POLR1A: variants seen among roughly 807,000 people sequenced by gnomAD.
POLR1A encodes the protein DNA-directed RNA polymerase I subunit RPA1.
Under a neutral mutation model 205.3 loss-of-function variants are expected in POLR1A, and 84 were observed. That is an observed-to-expected ratio of 0.41 (90% CI 0.34 to 0.49). The LOEUF (loss-of-function observed/expected upper bound fraction) is 0.49. POLR1A is among the 20% of genes least tolerant of loss of function. The pLI, the probability that POLR1A is intolerant of heterozygous loss-of-function variation, is 0.22. For missense variants in POLR1A, 1,645 were observed against 2,204.5 expected (o/e 0.75, Z 5.08); for synonymous variants, 799 against 863.7 (o/e 0.93, Z 1.31).
In POLR1A at chr2:86,065,341, T is replaced by C. The variant is rs201364788; in HGVS notation, c.1991A>G (p.Lys664Arg). The part of the protein sequence containing the change: ...MELVYRGLTD[K>R]VGRVKLLSPS... ...AGAAAGGAGCTTCACGCGCCCCACT[T>C]TGTCCGTGAGTCCTCGGTACACCAG... Residue 664 changes from lysine to arginine, a missense_variant, in exon 14 of 34, where the codon AAA becomes AGA. Around this residue, in one of 16 missense-constraint regions of POLR1A, gnomAD observed 339 missense variants for 415.1 expected, o/e 0.82. Coordinates refer to ENST00000263857, the MANE Select transcript of POLR1A (RefSeq NM_015425.6). 1.5e-4 allele frequency: 244 copies of C among 1,614,118 alleles called. 2 individuals are homozygous for C. The highest frequency in any genetic ancestry group is 6.6e-4 in the Middle Eastern group (4 of 6,062).
chr2:86,040,573 T>TG lies in POLR1A; in HGVS notation c.3573-15dup, dbSNP rs749448645. On this transcript the variant is annotated splice_polypyrimidine_tract_variant and intron_variant, in intron 24 of 33. Coordinates refer to ENST00000263857, the MANE Select transcript of POLR1A (RefSeq NM_015425.6). Reference sequence around the variant, plus strand: ...AAGGTCCTCAACCTAGAGACGGTGGTGGGGGGTCAGGGTGGGGGTTGTGGC... The same window carrying TG: ...AAGGTCCTCAACCTAGAGACGGTGGTGGGGGGGTCAGGGTGGGGGTTGTGGC... 2.9e-5 allele frequency: 44 copies of TG among 1,521,706 alleles called. No individual in the cohort carries two copies. The highest frequency in any genetic ancestry group is 7.4e-5 in the South Asian group (6 of 80,638). The allele number at this position is 1,521,706 out of a possible 1,614,324, so 94.3% of individuals were successfully genotyped here.
chr2:86,084,024 A>C (rs1573829816), intron 6 of POLR1A, among the ~76,000 whole-genome samples: 1 of 152,198 alleles, frequency 6.6e-6, no homozygotes, highest in East Asian at 1.9e-4. Context: ...CTTTCTGGGC[A>C]CTTTGGGAGG....
intron 27 of POLR1A, among the ~76,000 whole-genome samples, chr2:86,034,535 T>C (rs1354720829): frequency 6.6e-6 from 1 of 152,194 alleles, no homozygotes; most frequent in African/African-American, 2.4e-5. Flanking sequence ...TTTTAGGGCC[T>C]CTTAGGATCC....
chr2:86,062,428 C>T (rs555044084), intron 14 of POLR1A, among the ~76,000 whole-genome samples: 29 of 151,810 alleles, frequency 1.9e-4, no homozygotes, highest in Non-Finnish European at 3.5e-4. Flanking sequence ...AATATTTGTA[C>T]TTCTAAATAA....
Position 86,081,723 on chromosome 2 carries a change from T to G in POLR1A, c.818-17A>C, listed in dbSNP as rs749496884. The G allele has an allele frequency of 1.3e-6, 2 of 1,491,736 alleles. No individual in the cohort carries two copies. Among genetic ancestry groups the G allele is most frequent in the South Asian group, 1.1e-5 (1 of 87,708 alleles). The allele number at this position is 1,491,736 out of a possible 1,614,324, so 92.4% of individuals were successfully genotyped here. ...GAAAGAATCCTGCGTTGGAAAGAAATAAACCAAGAAGACCATTTAAATCTA... is the reference window on the plus strand; with the variant it reads ...GAAAGAATCCTGCGTTGGAAAGAAAGAAACCAAGAAGACCATTTAAATCTA... On this transcript the variant is annotated splice_polypyrimidine_tract_variant and intron_variant, in intron 7 of 33. Transcript: ENST00000263857.
At position 86,070,030 on chromosome 2, in the gene POLR1A, G is replaced by A; in HGVS notation, c.1854C>T (p.Tyr618=). The A allele has an allele frequency of 6.2e-7, 1 of 1,613,546 alleles. No individual in the cohort carries two copies. Among genetic ancestry groups the A allele is most frequent in the Admixed American group, 1.7e-5 (1 of 60,000 alleles). Residue 618 remains tyrosine, a synonymous_variant, in exon 13 of 34, where the codon TAC becomes TAT. Coordinates refer to ENST00000263857, the MANE Select transcript of POLR1A (RefSeq NM_015425.6). This position sits in a 1 kb window ranked among gnomAD's most constrained non-coding sequence, Gnocchi z 4.4. ...AGGCCAGACCTACCTTGGGAACAAG[G>A]TACTGCTGATCAGTGCAGGCCAGGA... ...AYVLACTDQQ[Y]LVPKDGQPLA... is the part of the protein sequence containing the mutation.
intron 2 of POLR1A, among the ~76,000 whole-genome samples, chr2:86,099,483 T>C (rs914409156): frequency 3.6e-4 from 55 of 151,614 alleles, no homozygotes; most frequent in African/African-American, 1.3e-3. Context: ...AATAAAAAGC[T>C]GAAAATGTAC....
intron 16 of POLR1A, among the ~76,000 whole-genome samples, chr2:86,052,583 C>G (rs1393296782): frequency 6.6e-6 from 1 of 152,210 alleles, no homozygotes; most frequent in Non-Finnish European, 1.5e-5. Context: ...ACACATGAAG[C>G]ATATGGTCTA....
chr2:86,048,984 T>G lies in POLR1A; in HGVS notation c.2534A>C (p.Lys845Thr). ...CTTGCCCAGATGGGCATCCTGCCATTTTCCTCGGACCTCATCATATGATGC... is the reference window on the plus strand; with the variant it reads ...CTTGCCCAGATGGGCATCCTGCCATGTTCCTCGGACCTCATCATATGATGC... ...EAASYDEVRG[K>T]WQDAHLGKDQ... The change falls in exon 18 of 34, where the codon AAA becomes ACA. Residue 845 changes from lysine to threonine, a missense_variant. Around this residue, in one of 16 missense-constraint regions of POLR1A, gnomAD observed 339 missense variants for 415.1 expected, o/e 0.82. Transcript: ENST00000263857. 1 of 1,614,214 alleles carries G rather than the reference T, an allele frequency of 6.2e-7. No homozygotes were observed. The highest frequency in any genetic ancestry group is 8.5e-7 in the Non-Finnish European group (1 of 1,180,006).
At chr2:86,084,560 T>C (rs1241642966) in intron 6 of POLR1A, among the ~76,000 whole-genome samples, 1 of 152,220 alleles carries the variant, frequency 6.6e-6, no homozygotes, top group East Asian at 1.9e-4. Flanking sequence ...TCCTAACACT[T>C]GACAGGGTGT....
intron 1 of POLR1A, among the ~76,000 whole-genome samples, chr2:86,104,240 GC>G (rs1162392731): frequency 2.6e-5 from 4 of 152,020 alleles, no homozygotes; most frequent in Admixed American, 2.6e-4. Context: ...TGAGATAAGG[GC>G]CAGAGGCAAC....
intron 14 of POLR1A, among the ~76,000 whole-genome samples, chr2:86,061,936 T>A (rs916743037): frequency 1.7e-4 from 26 of 152,228 alleles, no homozygotes; most frequent in African/African-American, 6.3e-4. Context: ...TTTGTGAATG[T>A]GCACTGAGTT....
intron 7 of POLR1A, among the ~76,000 whole-genome samples, chr2:86,082,028 GT>G (rs1307507268): frequency 2.0e-5 from 3 of 151,864 alleles, no homozygotes; most frequent in East Asian, 1.9e-4. Flanking sequence ...AAGAGATGAG[GT>G]TTTGCTTGGT....
intron 24 of POLR1A, 58 bp from the exon 25 acceptor site, chr2:86,040,617 C>T (rs926235744): frequency 1.7e-5 from 22 of 1,329,176 alleles, no homozygotes; most frequent in Middle Eastern, 2.7e-4. Context: ...GGAGCAGACA[C>T]CACAGACTGT....
At chr2:86,035,174 A>G (rs1309823423) in intron 27 of POLR1A, among the ~76,000 whole-genome samples, 2 of 152,306 alleles carry the variant, frequency 1.3e-5, no homozygotes, top group East Asian at 3.9e-4. Context: ...CCCAGACCCC[A>G]ATATTATTTT....
At chr2:86,034,873 A>G (rs1208159366) in intron 27 of POLR1A, among the ~76,000 whole-genome samples, 1 of 152,132 alleles carries the variant, frequency 6.6e-6, no homozygotes. Context: ...TATTATTATT[A>G]GTTCCCCCCA....
rs1353709807 is a variant in POLR1A, at chr2:86,034,945, A to ACTGCAACCTCCGCCTCC, written c.4035-1175_4035-1159dup. On this transcript the variant is annotated intron_variant, in intron 27 of 33. Transcript: ENST00000263857. The stretch of plus-strand genomic sequence containing the variant: ...GAGTGCAGTGGTGCGACCTCGGCTC[A>ACTGCAACCTCCGCCTCC]CTGCAACCTCCGCCTCCCGGATTCA... Among the ~76,000 whole-genome samples, 4 of 151,944 alleles carry ACTGCAACCTCCGCCTCC rather than the reference A, an allele frequency of 2.6e-5. No individual in the cohort carries two copies. The East Asian group carries it at 7.8e-4, about 30-fold the overall frequency.
intron 9 of POLR1A, among the ~76,000 whole-genome samples, chr2:86,080,384 A>C (rs1213078019): frequency 2.0e-5 from 3 of 152,200 alleles, no homozygotes; most frequent in Non-Finnish European, 2.9e-5. Flanking sequence ...AACGTGTCCA[A>C]AATAGAGCTG....
chr2:86,095,275 C>A (rs945454915), intron 3 of POLR1A, among the ~76,000 whole-genome samples: 4 of 152,148 alleles, frequency 2.6e-5, no homozygotes, highest in African/African-American at 9.7e-5. Context: ...GAAAGGGGAA[C>A]AACTTTTCTA....
Sources: gnomAD v4.1 joint callset for allele counts (sites outside exome capture counted in the v4.1 genomes callset) on GRCh38, gnomAD v4.1.1 for gene constraint, gnomAD v4.1.1 regional missense constraint, Gnocchi (gnomAD v3.1) non-coding constraint, MANE v1.5 for transcripts, NCBI Gene and HGNC (gene_info 2026-07-23, HGNC 2026-07-21) for gene names.